The following GHR variants were observed in gnomAD, a reference collection of about 807,000 sequenced individuals.
The protein encoded by GHR is growth hormone receptor, also known as GH receptor.
GHR carries 35 observed loss-of-function variants against 67.1 expected under a neutral mutation model. The ratio of observed to expected loss-of-function variants is 0.52; its 90% CI spans 0.40 to 0.69. The LOEUF is 0.69. Ranked by LOEUF, GHR falls within the 30% of genes least tolerant of loss-of-function variation. GHR has a pLI of 0.00. For synonymous variants in GHR, 272 were observed against 269.1 expected (o/e 1.01, Z -0.10); for missense variants, 792 against 764.6 (o/e 1.04, Z -0.42).
intron 1 of GHR, among the ~76,000 whole-genome samples, chr5:42,442,022 A>G (rs1743601019): frequency 6.6e-6 from 1 of 152,202 alleles, no homozygotes; most frequent in Non-Finnish European, 1.5e-5. Flanking sequence ...CCTCTATTCT[A>G]GAAGGAAGCC....
intron 1 of GHR, among the ~76,000 whole-genome samples, chr5:42,510,551 T>C (rs1746967449): frequency 6.6e-6 from 1 of 152,178 alleles, no homozygotes; most frequent in Admixed American, 6.5e-5. Context: ...AAAATTACGA[T>C]TGGAATAGAA....
At chr5:42,428,866 T>C (rs1449028247) in intron 1 of GHR, among the ~76,000 whole-genome samples, 1 of 152,204 alleles carries the variant, frequency 6.6e-6, no homozygotes, top group Non-Finnish European at 1.5e-5. Context: ...TTCCAAACTT[T>C]CCCACATCTT....
chr5:42,636,336 A>G (rs1208870938), intron 3 of GHR, among the ~76,000 whole-genome samples: 1 of 152,198 alleles, frequency 6.6e-6, no homozygotes, highest in Admixed American at 6.5e-5. Context: ...CCAAAGCATA[A>G]CACACATTTT....
At chr5:42,506,866 G>T (rs1387297550) in intron 1 of GHR, among the ~76,000 whole-genome samples, 1 of 152,066 alleles carries the variant, frequency 6.6e-6, no homozygotes, top group Non-Finnish European at 1.5e-5. Flanking sequence ...ACAAGGATGT[G>T]GTCATAAACA....
chr5:42,658,501 G>A (rs1215906981), intron 3 of GHR, among the ~76,000 whole-genome samples: 2 of 152,154 alleles, frequency 1.3e-5, no homozygotes, highest in African/African-American at 4.8e-5. Flanking sequence ...AATCAATCAT[G>A]GTTAAAAAGA....
intron 2 of GHR, among the ~76,000 whole-genome samples, chr5:42,609,042 A>G (rs1056445639): frequency 6.6e-6 from 1 of 152,210 alleles, no homozygotes; most frequent in Non-Finnish European, 1.5e-5. Context: ...ATATGCAAAA[A>G]TGATGTAACC....
At chr5:42,634,195 A>G (rs1580094615) in intron 3 of GHR, among the ~76,000 whole-genome samples, 1 of 152,040 alleles carries the variant, frequency 6.6e-6, no homozygotes, top group African/African-American at 2.4e-5. Flanking sequence ...TGTGAGAATT[A>G]TAAGTGTTGA....
rs537438279 is a variant in GHR, at chr5:42,478,844, A to G, written c.-12+54889A>G. ...GTCCTCTGCAAACAGGGACAGTTTG[A>G]CTTCCTCTTTTCCTAATTGAATACC... On this transcript the variant is annotated intron_variant, in intron 1 of 9. Transcript: ENST00000230882. 4.6e-5 allele frequency among the ~76,000 whole-genome samples: 7 copies of G among 152,254 alleles called. No individual in the cohort carries two copies. The South Asian group carries it at 1.5e-3, about 32-fold the overall frequency.
intron 2 of GHR, among the ~76,000 whole-genome samples, chr5:42,612,763 C>A (rs1752951801): frequency 6.6e-6 from 1 of 152,056 alleles, no homozygotes; most frequent in Non-Finnish European, 1.5e-5. Flanking sequence ...GGACCTTTTC[C>A]ATTTTACAAT....
intron 1 of GHR, among the ~76,000 whole-genome samples, chr5:42,442,240 T>C (rs1466527369): frequency 6.6e-6 from 1 of 152,144 alleles, no homozygotes; most frequent in Non-Finnish European, 1.5e-5. Flanking sequence ...TGAAAGGGAA[T>C]AAATGAGTGA....
At position 42,663,333 on chromosome 5, in the gene GHR, C is replaced by A. The variant is rs1254999466; in HGVS notation, c.137-25557C>A. Among the ~76,000 whole-genome samples, 3 of 152,280 alleles carry A rather than the reference C, an allele frequency of 2.0e-5. No homozygotes were observed. The East Asian group carries it at 5.8e-4, about 29-fold the overall frequency. On this transcript the variant is annotated intron_variant, in intron 3 of 9. Coordinates refer to ENST00000230882, the MANE Select transcript of GHR (RefSeq NM_000163.5). ...CCAATATCCTTGATGAACATTGATG[C>A]AAAAATCCTCAGTAAAATACTAGCA... is the stretch of plus-strand genomic sequence containing the variant.
At chr5:42,697,525 C>G (rs558028115) in intron 5 of GHR, among the ~76,000 whole-genome samples, 1 of 143,368 alleles carries the variant, frequency 7.0e-6, no homozygotes, top group Non-Finnish European at 1.5e-5. Flanking sequence ...ATGTGTGTGT[C>G]TCAGGGAAGG....
At chr5:42,540,107 T>TGC (rs1213648371) in intron 1 of GHR, among the ~76,000 whole-genome samples, 6 of 152,146 alleles carry the variant, frequency 3.9e-5, no homozygotes, top group African/African-American at 1.4e-4. Context: ...GTAGATTATA[T>TGC]TGATAGATCT....
chr5:42,479,822 T>C (rs1231708599), intron 1 of GHR, among the ~76,000 whole-genome samples: 2 of 152,174 alleles, frequency 1.3e-5, no homozygotes, highest in Admixed American at 6.5e-5. Flanking sequence ...TTTGTTGATC[T>C]TTTCAAAAAA....
chr5:42,474,235 A>C (rs1034114697), intron 1 of GHR, among the ~76,000 whole-genome samples: 14 of 144,052 alleles, frequency 9.7e-5, no homozygotes. Context: ...AAGAAAAAGA[A>C]AGAAAGAGAG....
At chr5:42,480,221 T>C (rs571968020) in intron 1 of GHR, among the ~76,000 whole-genome samples, 237 of 152,336 alleles carry the variant, frequency 1.6e-3, no homozygotes, top group African/African-American at 4.7e-3. Flanking sequence ...TAATCCTGAG[T>C]TCTACTTTGA....
chr5:42,635,705 A>G (rs1754144182), intron 3 of GHR, among the ~76,000 whole-genome samples: 1 of 152,186 alleles, frequency 6.6e-6, no homozygotes, highest in Non-Finnish European at 1.5e-5. Context: ...ATAAGTGGTA[A>G]GTAGATATTT....
chr5:42,577,074 T>A (rs1055668723), intron 2 of GHR, among the ~76,000 whole-genome samples: 1 of 152,218 alleles, frequency 6.6e-6, no homozygotes, highest in African/African-American at 2.4e-5. Context: ...TATCTGAAAG[T>A]AGAATGAATT....
At chr5:42,526,208 C>T (rs1747699648) in intron 1 of GHR, among the ~76,000 whole-genome samples, 1 of 152,060 alleles carries the variant, frequency 6.6e-6, no homozygotes, top group African/African-American at 2.4e-5. Context: ...GTGACACAGC[C>T]TTAGTGCTGA....
Sources: allele counts gnomAD v4.1 joint callset (sites outside exome capture counted in the v4.1 genomes callset), GRCh38; gene constraint gnomAD v4.1.1; transcripts MANE v1.5; gene names NCBI Gene and HGNC (gene_info 2026-07-23, HGNC 2026-07-21).